The following AFAP1 variants were observed in gnomAD, a reference collection of about 807,000 sequenced individuals.
The protein encoded by AFAP1 is actin filament associated protein 1.
AFAP1 carries 75 observed loss-of-function variants against 93.9 expected under a neutral mutation model. That is an observed-to-expected ratio of 0.80 (90% CI 0.66 to 0.97). The LOEUF is 0.97. Among genes scored for constraint, AFAP1 ranks in the 50% least tolerant of loss-of-function variants. The pLI, the probability that AFAP1 is intolerant of heterozygous loss-of-function variation, is 0.00. For synonymous variants in AFAP1, 517 were observed against 430.7 expected, an observed-to-expected ratio of 1.20 and a Z score of -2.48; for missense variants, 1,201 against 1,050.8, an observed-to-expected ratio of 1.14 and a Z score of -1.98.
intron 6 of AFAP1, among the ~76,000 whole-genome samples, chr4:7,825,220 C>T (rs753342993): frequency 6.6e-6 from 1 of 152,086 alleles, no homozygotes; most frequent in Non-Finnish European, 1.5e-5. Context: ...AATATCATAA[C>T]GAGTTAATGG....
rs1170420391 is a variant in AFAP1 at position 7,778,792 on chromosome 4, G to T, written c.1867C>A (p.Pro623Thr). ...CCCGTCCTTTTCACAACAGCCGCGG[G>T]ATCCGCTTTCTTTGGCTGACTGCTC... The part of the protein sequence containing the change: ...TLSSQPKKAD[P>T]AAVVKRTGSN... The change falls in exon 14 of 18, where the codon CCC (proline) becomes ACC (threonine). Residue 623 changes from proline (P) to threonine (T), a missense_variant. By Grantham distance (38) the Pro-to-Thr change is conservative. Transcript: ENST00000420658. 1.2e-6 allele frequency: 2 copies of T among 1,614,086 alleles called. No individual in the cohort carries two copies. Among genetic ancestry groups the T allele is most frequent in the Non-Finnish European group, 1.7e-6 (2 of 1,180,044 alleles).
intron 1 of AFAP1, among the ~76,000 whole-genome samples, chr4:7,909,612 T>C (rs938354437): frequency 6.6e-6 from 1 of 152,208 alleles, no homozygotes; most frequent in Non-Finnish European, 1.5e-5. Flanking sequence ...TCCACATTTG[T>C]TTGCATAACA....
intron 6 of AFAP1, among the ~76,000 whole-genome samples, chr4:7,829,247 C>A (rs6446627): frequency 0.83 from 125,705 of 152,206 alleles, 52,397 homozygotes; most frequent in African/African-American, 0.93. Flanking sequence ...ACTATCTCTC[C>A]ACACAATACT....
chr4:7,894,107 G>C (rs146428125), intron 1 of AFAP1, among the ~76,000 whole-genome samples: 2 of 152,262 alleles, frequency 1.3e-5, no homozygotes, highest in East Asian at 3.9e-4. Flanking sequence ...GAAATGACTT[G>C]GGAACAGTGG....
intron 11 of AFAP1, among the ~76,000 whole-genome samples, chr4:7,787,993 C>T (rs1057252161): frequency 2.0e-5 from 3 of 152,194 alleles, no homozygotes; most frequent in East Asian, 1.9e-4. Context: ...AGCCCCACAG[C>T]GGCCCCTCCC....
In AFAP1 at chr4:7,786,176, C is replaced by T; in HGVS notation, c.1530+18G>A. The T allele has an allele frequency of 6.2e-7, 1 of 1,606,836 alleles. No individual in the cohort carries two copies. The highest frequency in any genetic ancestry group is 8.5e-7 in the Non-Finnish European group (1 of 1,174,448). ...CCTCTAACAAAACCAACCATTACTC[C>T]AAAAAAAGGGCACTCACCGAGCCGT... On this transcript the variant is annotated intron_variant, in intron 12 of 17. Coordinates refer to ENST00000420658, the MANE Select transcript of AFAP1 (RefSeq NM_001134647.2).
intron 1 of AFAP1, among the ~76,000 whole-genome samples, chr4:7,879,129 A>AG (rs879685649): frequency 6.6e-6 from 1 of 152,214 alleles, no homozygotes; most frequent in Non-Finnish European, 1.5e-5. Flanking sequence ...GGAGAAACTG[A>AG]GGCTCAGGGA....
chr4:7,898,066 T>C (rs1404983048), intron 1 of AFAP1, among the ~76,000 whole-genome samples: 2 of 152,150 alleles, frequency 1.3e-5, no homozygotes, highest in African/African-American at 4.8e-5. Flanking sequence ...ACCTTCCTCA[T>C]CCTTCCCAAC....
chr4:7,840,253 G>GT (rs1339642255), intron 5 of AFAP1, among the ~76,000 whole-genome samples: 1 of 88,006 alleles, frequency 1.1e-5, no homozygotes, highest in African/African-American at 4.4e-5. Flanking sequence ...TTTCTGGTTT[G>GT]TTTTTGGGAT....
intron 1 of AFAP1, among the ~76,000 whole-genome samples, chr4:7,931,855 T>C (rs1022933457): frequency 4.0e-5 from 6 of 151,826 alleles, no homozygotes; most frequent in Admixed American, 1.3e-4. Context: ...GGATTATAGA[T>C]TCTGGTTTCT....
At chr4:7,886,920 T>C (rs1341229284) in intron 1 of AFAP1, among the ~76,000 whole-genome samples, 1 of 152,206 alleles carries the variant, frequency 6.6e-6, no homozygotes, top group East Asian at 1.9e-4. Context: ...TATTAAACAC[T>C]ATGTTCACAA....
intron 15 of AFAP1, chr4:7,773,626 C>T (rs1273519576): frequency 6.5e-6 from 1 of 152,728 alleles, no homozygotes; most frequent in Non-Finnish European, 1.5e-5. Context: ...GCCAAAAGCA[C>T]TCCTGGCCCT....
intron 1 of AFAP1, among the ~76,000 whole-genome samples, chr4:7,891,251 C>T (rs867222723): frequency 2.8e-4 from 42 of 152,160 alleles, no homozygotes; most frequent in African/African-American, 8.2e-4. Flanking sequence ...AGCAGATGAG[C>T]GGTTGCCCGG....
intron 17 of AFAP1, 104 bp downstream of exon 17, chr4:7,768,740 G>C: frequency 7.4e-7 from 1 of 1,349,272 alleles, no homozygotes; most frequent in South Asian, 1.8e-5. Context: ...GTGCCAAGTG[G>C]ATGCAGTAGG....
intron 6 of AFAP1, among the ~76,000 whole-genome samples, chr4:7,834,657 G>A (rs1712060075): frequency 6.6e-6 from 1 of 152,250 alleles, no homozygotes; most frequent in African/African-American, 2.4e-5. Flanking sequence ...CTGGTGGCTG[G>A]GACTGCCTTG....
rs201680855 is a variant in AFAP1, at chr4:7,860,925, C to CCTTG, written c.226-5352_226-5351insCAAG. On this transcript the variant is annotated intron_variant, in intron 3 of 17. Transcript: ENST00000420658. ...CTTCCACTGCCGCTTGCCTCGCCTG[C>CCTTG]CTCGCTCGCCTCGCCTCGTGGCTGG... 5.9e-3 allele frequency among the ~76,000 whole-genome samples: 893 copies of CCTTG among 152,310 alleles called. 7 individuals are homozygous for CCTTG. The highest frequency in any genetic ancestry group is 0.019 in the African/African-American group (781 of 41,554).
chr4:7,883,272 G>A (rs1717956943), intron 1 of AFAP1, among the ~76,000 whole-genome samples: 1 of 150,594 alleles, frequency 6.6e-6, no homozygotes, highest in Non-Finnish European at 1.5e-5. Flanking sequence ...TATCTAATGA[G>A]AAGATAATGC....
chr4:7,842,994 G>T, intron 5 of AFAP1, 145 bp downstream of exon 5: 1 of 868,462 alleles, frequency 1.2e-6, no homozygotes, highest in Non-Finnish European at 1.8e-6. Flanking sequence ...CCCTGGCATG[G>T]TACTGCGGCT....
chr4:7,780,978 T>G (rs1183410874), intron 13 of AFAP1, among the ~76,000 whole-genome samples: 1 of 152,192 alleles, frequency 6.6e-6, no homozygotes, highest in Admixed American at 6.5e-5. Flanking sequence ...TCAAAAGCAA[T>G]GACTACACGG....
Sources: gnomAD v4.1 joint callset for allele counts (sites outside exome capture counted in the v4.1 genomes callset) on GRCh38, gnomAD v4.1.1 for gene constraint, MANE v1.5 for transcripts, NCBI Gene and HGNC (gene_info 2026-07-23, HGNC 2026-07-21) for gene names.